The following DAB1 variants were observed in gnomAD, a reference collection of about 807,000 sequenced individuals.
DAB1 encodes DAB adaptor protein 1.
In DAB1, 15 loss-of-function variants were observed where a neutral mutation model predicts 64.6. That is an observed-to-expected ratio of 0.23 (90% CI 0.16 to 0.36). The LOEUF (loss-of-function observed/expected upper bound fraction) is 0.36, where lower values mean the gene tolerates loss of function less well. DAB1 is among the 10% of genes least tolerant of loss of function. The pLI, the probability that DAB1 is intolerant of heterozygous loss-of-function variation, is 1.00. For missense variants in DAB1, 596 were observed against 706.7 expected (o/e 0.84, Z 1.78); for synonymous variants, 235 against 251.9 (o/e 0.93, Z 0.64).
chr1:57,859,821 G>T (rs12131124), intron 1 of DAB1, among the ~76,000 whole-genome samples: 4,417 of 152,228 alleles, frequency 0.029, 103 homozygotes, highest in East Asian at 0.13. Flanking sequence ...AATATCTCTT[G>T]CACCACTGTG....
intron 2 of DAB1, among the ~76,000 whole-genome samples, chr1:57,189,602 T>C (rs753354855): frequency 3.9e-5 from 6 of 152,006 alleles, no homozygotes; most frequent in Non-Finnish European, 7.4e-5. Context: ...TCTCTGACAG[T>C]AAAAGGGCAG....
At chr1:58,521,066 T>C (rs1646254534) in intron 2 of DAB1, among the ~76,000 whole-genome samples, 1 of 152,144 alleles carries the variant, frequency 6.6e-6, no homozygotes, top group Admixed American at 6.5e-5. Context: ...ACCCAACCCT[T>C]TTCAAAGGAT....
intron 1 of DAB1, among the ~76,000 whole-genome samples, chr1:57,395,232 G>T (rs1179187815): frequency 6.6e-6 from 1 of 152,098 alleles, no homozygotes; most frequent in Non-Finnish European, 1.5e-5. Context: ...CGCCATGTTG[G>T]CCAGGCTAGT....
chr1:58,475,227 C>T (rs749071374), intron 3 of DAB1, among the ~76,000 whole-genome samples: 1 of 152,182 alleles, frequency 6.6e-6, no homozygotes, highest in Non-Finnish European at 1.5e-5. Flanking sequence ...ACGATCTCGG[C>T]TCACTGTAAC....
Position 57,564,018 on chromosome 1 carries a change from C to A in DAB1, n.625+85574G>T, listed in dbSNP as rs554834777. Among the ~76,000 whole-genome samples the A allele has an allele frequency of 2.6e-5, 4 of 152,312 alleles. No individual in the cohort carries two copies. In the South Asian group the frequency reaches 6.2e-4, roughly 24 times the overall value. ...AAGTGGGTCCCTGACCCCTGAGTAGCCAAACTGGGAGGCACCCCCAGTAGG... is the reference window on the plus strand; with the variant it reads ...AAGTGGGTCCCTGACCCCTGAGTAGACAAACTGGGAGGCACCCCCAGTAGG... On this transcript the variant is annotated intron_variant and non_coding_transcript_variant, in intron 7 of 20. Coordinates refer to the DAB1 transcript ENST00000485760.
intron 1 of DAB1, among the ~76,000 whole-genome samples, chr1:57,312,022 G>A (rs139963830): frequency 1.3e-3 from 196 of 152,292 alleles, no homozygotes; most frequent in African/African-American, 4.1e-3. Context: ...CAAGGGAGGC[G>A]GAGGTATCTA....
rs1323160304 is a variant in DAB1, at chr1:57,781,122, CTCTCTATATATATATATATA to C, written n.551+102857_551+102876del. Among the ~76,000 whole-genome samples the C allele has an allele frequency of 1.8e-3, 79 of 43,856 alleles. No individual in the cohort carries two copies. In the East Asian group the frequency reaches 0.025, roughly 14 times the overall value. The allele number at this position is 43,856 out of a possible 152,430, so 28.8% of individuals were successfully genotyped here. A position where few individuals can be genotyped will look rare whatever the true frequency, so the allele number is the denominator to read the frequency against. On this transcript the variant is annotated intron_variant and non_coding_transcript_variant, in intron 6 of 20. Transcript: ENST00000485760. ...TCTCTCTCTCTCTCTCTCTCTCTCTCTCTCTATATATATATATATATATATATATATATATATATATATAT... is the reference window on the plus strand; with the variant it reads ...TCTCTCTCTCTCTCTCTCTCTCTCTCTATATATATATATATATATATATAT...
At chr1:58,005,674 T>C (rs963055433) in intron 5 of DAB1, among the ~76,000 whole-genome samples, 1 of 148,114 alleles carries the variant, frequency 6.8e-6, no homozygotes, top group Non-Finnish European at 1.5e-5. Flanking sequence ...GAACAAGACA[T>C]AAATAGCAAG....
At chr1:57,793,094 A>C (rs1233034736) in intron 6 of DAB1, among the ~76,000 whole-genome samples, 1 of 152,218 alleles carries the variant, frequency 6.6e-6, no homozygotes, top group Non-Finnish European at 1.5e-5. Context: ...ACTTAATAGA[A>C]ATTTGCTGGT....
intron 5 of DAB1, among the ~76,000 whole-genome samples, chr1:58,143,191 C>T (rs1409757426): frequency 6.6e-6 from 1 of 152,116 alleles, no homozygotes; most frequent in East Asian, 1.9e-4. Context: ...CAAATGTACA[C>T]ACACAGTAAG....
chr1:57,354,243 G>C (rs1678872764), intron 1 of DAB1, among the ~76,000 whole-genome samples: 1 of 152,026 alleles, frequency 6.6e-6, no homozygotes, highest in South Asian at 2.1e-4. Context: ...AAATAAAGTA[G>C]TATCTGGCTG....
At chr1:57,984,405 A>G (rs1017338691) in intron 5 of DAB1, among the ~76,000 whole-genome samples, 2 of 152,154 alleles carry the variant, frequency 1.3e-5, no homozygotes, top group Non-Finnish European at 2.9e-5. Context: ...TCTTCACCAC[A>G]GAGCTATTGG....
intron 1 of DAB1, among the ~76,000 whole-genome samples, chr1:57,318,994 T>C (rs1284125711): frequency 5.3e-5 from 8 of 152,128 alleles, no homozygotes; most frequent in Non-Finnish European, 8.8e-5. Flanking sequence ...CCCCATTTCC[T>C]AACCTGTGCC....
chr1:57,941,265 A>G (rs1311588434), intron 5 of DAB1, among the ~76,000 whole-genome samples: 1 of 152,202 alleles, frequency 6.6e-6, no homozygotes. Context: ...CATAGTTTAT[A>G]AGGTGCTTTG....
intron 7 of DAB1, among the ~76,000 whole-genome samples, chr1:57,591,496 C>G (rs1170552510): frequency 6.6e-6 from 1 of 152,182 alleles, no homozygotes; most frequent in Non-Finnish European, 1.5e-5. Context: ...AGTTGACATT[C>G]TGACTGGGGT....
chr1:58,480,760 T>C lies in DAB1; in HGVS notation n.257+25300A>G, dbSNP rs115572328. The C allele has an allele frequency of 5.1e-3, 2,088 of 411,248 alleles. 36 individuals are homozygous for C. Among genetic ancestry groups the C allele is most frequent in the African/African-American group, 0.039 (1,879 of 48,562 alleles). 25.5% of individuals were successfully genotyped at this position (411,248 alleles called of 1,614,324 possible). On this transcript the variant is annotated intron_variant and non_coding_transcript_variant, in intron 3 of 20. Coordinates refer to the DAB1 transcript ENST00000485760. ...AATTTATTCTGTGACATTTTCCTCA[T>C]TGAAGATATTTTAACATAGATTAAA...
chr1:57,993,710 T>G (rs968486002), intron 5 of DAB1, among the ~76,000 whole-genome samples: 1 of 152,104 alleles, frequency 6.6e-6, no homozygotes, highest in Non-Finnish European at 1.5e-5. Context: ...CAAGTCTTAG[T>G]GAAATAGATG....
Position 56,998,761 on chromosome 1 carries a change from C to T in DAB1, c.*16-633G>A, listed in dbSNP as rs116497282. Among the ~76,000 whole-genome samples the T allele has an allele frequency of 3.8e-3, 583 of 152,272 alleles. 3 individuals are homozygous for T. Among genetic ancestry groups the T allele is most frequent in the African/African-American group, 0.013 (534 of 41,526 alleles). ...TGGACTTGTTTCCATTCAGTCTGAG[C>T]CCTCCACTTTGGCCAGTCATTTGCC... On this transcript the variant is annotated intron_variant, in intron 14 of 14. Transcript: ENST00000371236.
intron 5 of DAB1, chr1:58,056,397 T>C (rs370825664): frequency 6.4e-7 from 1 of 1,568,782 alleles, no homozygotes; most frequent in South Asian, 1.1e-5. Context: ...TGGGCACGCA[T>C]CGGGCACAGT....
Sources: allele counts gnomAD v4.1 joint callset (sites outside exome capture counted in the v4.1 genomes callset), GRCh38; gene constraint gnomAD v4.1.1; transcripts MANE v1.5; gene names NCBI Gene and HGNC (gene_info 2026-07-23, HGNC 2026-07-21).